The following EFS variants were observed in gnomAD, a reference collection of about 807,000 sequenced individuals.
EFS encodes embryonal Fyn-associated substrate.
A neutral mutation model predicts 42.2 loss-of-function variants in EFS; 34 were observed. The observed-to-expected ratio is 0.81, with a 90% CI of 0.61 to 1.07. The LOEUF (loss-of-function observed/expected upper bound fraction) is 1.07, where lower values mean the gene tolerates loss of function less well. EFS is among the 50% of genes least tolerant of loss of function. The pLI, the probability that EFS is intolerant of heterozygous loss-of-function variation, is 0.00. For missense variants in EFS, 717 were observed against 729.4 expected (o/e 0.98, Z 0.20); for synonymous variants, 299 against 320.7 (o/e 0.93, Z 0.72).
At chr14:23,363,770 T>G (rs1890230818) in intron 1 of EFS, among the ~76,000 whole-genome samples, 1 of 152,016 alleles carries the variant, frequency 6.6e-6, no homozygotes, top group South Asian at 2.1e-4. Context: ...AAACCCTGCC[T>G]CTACAAAAAA....
chr14:23,359,998 A>C lies in EFS; in HGVS notation c.480T>G (p.Ser160Arg). ...VPPTALRVPS[S>R]GPYDCPASFS... ...AGGAGGCAGGGCAGTCATAGGGGCC[A>C]CTGGAGGGCACCCGGAGGGCGGTGG... Residue 160 changes from serine (S) to arginine (R), a missense_variant, in exon 4 of 6, where the codon AGT becomes AGG. Coordinates refer to ENST00000216733, the MANE Select transcript of EFS (RefSeq NM_005864.4). The C allele has an allele frequency of 6.2e-7, 1 of 1,601,410 alleles. No individual in the cohort carries two copies. Among genetic ancestry groups the C allele is most frequent in the Admixed American group, 1.7e-5 (1 of 58,740 alleles).
In EFS at chr14:23,359,937, GGGGCTGCGGGGCAACCCGGGTCAGA is replaced by G; in HGVS notation, c.516_540del (p.Thr174GlufsTer11). The G allele has an allele frequency of 6.4e-7, 1 of 1,561,458 alleles. No individual in the cohort carries two copies. On this transcript the variant is annotated frameshift_variant, in exon 4 of 6. Coordinates refer to ENST00000216733, the MANE Select transcript of EFS (RefSeq NM_005864.4). LOFTEE classifies it high-confidence loss of function. ...TCATAGGGAGCATCATCCTCTCCAG[GGGGCTGCGGGGCAACCCGGGTCAGA>G]GGGTGGGAAAAGGAGGCAGGGCAGT...
At position 23,357,437 on chromosome 14, in the gene EFS, C is replaced by G; in HGVS notation, c.1475G>C (p.Gly492Ala). 6.2e-7 allele frequency: 1 copy of G among 1,613,528 alleles called. No individual in the cohort carries two copies. The highest frequency in any genetic ancestry group is 8.5e-7 in the Non-Finnish European group (1 of 1,179,838). ...HRLVFVGDTL[G>A]RLAASAPLRA... The stretch of plus-strand genomic sequence containing the variant: ...CAGAGGGGCAGAGGCTGCCAGCCGG[C>G]CCAGGGTGTCCCCAACAAACACCAG... The change falls in exon 6 of 6, where the codon GGC becomes GCC. Residue 492 changes from glycine to alanine, a missense_variant. Physicochemically the swap from Gly to Ala is moderately conservative, Grantham distance 60 (BLOSUM62 0). Coordinates refer to ENST00000216733, the MANE Select transcript of EFS (RefSeq NM_005864.4).
rs758962460 is a variant in EFS, at chr14:23,360,238, C to T, written c.341G>A (p.Gly114Glu). ...PPPARPCPTS[G>E]PPAGPCPPSP... ...GGGTGGGCAAGGTCCAGCTGGAGGT[C>T]CTGAGGTTGGACAGGGCCGAGCTGG... The change falls in exon 3 of 6, where the codon GGA becomes GAA. Residue 114 changes from glycine to glutamate, a missense_variant. Coordinates refer to ENST00000216733, the MANE Select transcript of EFS (RefSeq NM_005864.4). 2.5e-6 allele frequency: 4 copies of T among 1,613,920 alleles called. No homozygotes were observed. The East Asian group carries it at 8.9e-5, about 36-fold the overall frequency.
chr14:23,359,210 G>T (rs1890030036), intron 4 of EFS, 107 bp downstream of exon 4: 10 of 1,533,500 alleles, frequency 6.5e-6, no homozygotes, highest in Non-Finnish European at 6.3e-6. Context: ...GAGGGAAGGG[G>T]GACAGAAGGG....
Position 23,356,906 on chromosome 14 carries a change from G to C in EFS, c.*320C>G. 1 of 214,912 alleles carries C rather than the reference G, an allele frequency of 4.7e-6. No individual in the cohort carries two copies. The allele number at this position is 214,912 out of a possible 1,614,324, so 13.3% of individuals were successfully genotyped here. On this transcript the variant is annotated 3_prime_UTR_variant, in exon 6 of 6. Coordinates refer to ENST00000216733, the MANE Select transcript of EFS (RefSeq NM_005864.4). ...ACTTTTCACAGCCAGTCTTCCAGAG[G>C]TGGGTGGTAGTGCAGTGACCTCCAC...
chr14:23,359,606 G>T lies in EFS; in HGVS notation c.872C>A (p.Pro291Gln), dbSNP rs761281213. 4.0e-6 allele frequency: 6 copies of T among 1,501,000 alleles called. No individual in the cohort carries two copies. Among genetic ancestry groups the T allele is most frequent in the Non-Finnish European group, 5.3e-6 (6 of 1,128,062 alleles). The allele number at this position is 1,501,000 out of a possible 1,614,324, so 93.0% of individuals were successfully genotyped here. The part of the protein sequence containing the change: ...AQLLARSPPP[P>Q]HRPRLPSAES... ...AGCTGAGGGGAGCCGGGGCCTGTGT[G>T]GGGGTGGGGGGCTTCTGGCCAGAAG... Residue 291 changes from proline (P) to glutamine (Q), a missense_variant, in exon 4 of 6, where the codon CCA (proline) becomes CAA (glutamine). Physicochemically the swap from Pro to Gln is moderately conservative, Grantham distance 76. Transcript: ENST00000216733.
chr14:23,357,251 G>A lies in EFS; in HGVS notation c.1661C>T (p.Thr554Ile). The change falls in exon 6 of 6, where the codon ACC becomes ATC. Residue 554 changes from threonine (T) to isoleucine (I), a missense_variant. Transcript: ENST00000216733. ...TCATGGAGCCAGGCTAGTGAGCAGG[G>A]TAGTGAATTGCAGGGCCTGCCCTGC... ...ELAGQALQFT[T>I]LLTSLAP 1 of 1,570,288 alleles carries A rather than the reference G, an allele frequency of 6.4e-7. No homozygotes were observed. The highest frequency in any genetic ancestry group is 1.3e-5 in the African/African-American group (1 of 74,474).
chr14:23,361,730 T>C (rs1890161180), intron 1 of EFS, among the ~76,000 whole-genome samples: 1 of 152,184 alleles, frequency 6.6e-6, no homozygotes, highest in African/African-American at 2.4e-5. Context: ...GGCCACAGGC[T>C]CAGGTAATAA....
intron 2 of EFS, 68 bp downstream of exon 2, chr14:23,360,487 C>T: frequency 2.0e-6 from 3 of 1,512,874 alleles, no homozygotes; most frequent in South Asian, 2.7e-5. Context: ...GCTGCAGGCC[C>T]TGGGTGGGGC....
In EFS at chr14:23,360,919, G is replaced by A. The variant is rs183593168; in HGVS notation, c.19-86C>T. ...CCTGCTTAGAACCCTTCGGAGCTCCGCATTTCCCTCAAGCTAAAAAACCTG... is the reference window on the plus strand; with the variant it reads ...CCTGCTTAGAACCCTTCGGAGCTCCACATTTCCCTCAAGCTAAAAAACCTG... On this transcript the variant is annotated intron_variant, in intron 1 of 5. Coordinates refer to ENST00000216733, the MANE Select transcript of EFS (RefSeq NM_005864.4). 626 of 1,345,054 alleles carry A rather than the reference G, an allele frequency of 4.7e-4. 2 individuals carry two copies. The African/African-American group carries it at 8.7e-3, about 19-fold the overall frequency. The allele number at this position is 1,345,054 out of a possible 1,614,324, so 83.3% of individuals were successfully genotyped here.
chr14:23,358,812 TC>T, intron 5 of EFS, 63 bp downstream of exon 5: 3 of 1,442,722 alleles, frequency 2.1e-6, no homozygotes, highest in Non-Finnish European at 2.8e-6. Context: ...GCTCAGTTCT[TC>T]TCCCAAGTCC....
intron 1 of EFS, among the ~76,000 whole-genome samples, chr14:23,361,710 T>C (rs920932175): frequency 6.6e-6 from 1 of 152,208 alleles, no homozygotes; most frequent in Non-Finnish European, 1.5e-5. Flanking sequence ...TATAAGCTTT[T>C]TCCATCAAGG....
intron 1 of EFS, among the ~76,000 whole-genome samples, chr14:23,362,909 C>T (rs1283137799): frequency 7.0e-6 from 1 of 143,882 alleles, no homozygotes; most frequent in Non-Finnish European, 1.5e-5. Context: ...CTTTCTTTTT[C>T]TTTCTTTCTT....
At chr14:23,364,564 C>G (rs978782011) in intron 1 of EFS, among the ~76,000 whole-genome samples, 29 of 152,120 alleles carry the variant, frequency 1.9e-4, no homozygotes, top group African/African-American at 6.0e-4. Flanking sequence ...TCCCTCGTCT[C>G]GAGATGGGCC....
Position 23,357,333 on chromosome 14 carries a change from G to A in EFS, c.1579C>T (p.Leu527=), listed in dbSNP as rs760365082. The change falls in exon 6 of 6, where the codon CTG becomes TTG. Residue 527 remains leucine, a synonymous_variant. Transcript: ENST00000216733. The part of the protein sequence containing the change: ...ATVLAVKGAA[L]GYPSSPAIQE... ...ATGGCAGGGCTGGATGGGTAGCCCA[G>A]GGCAGCTCCCTTGACAGCCAGCACA... 1.3e-5 allele frequency: 21 copies of A among 1,611,890 alleles called. No homozygotes were observed. The South Asian group carries it at 2.3e-4, about 18-fold the overall frequency.
At chr14:23,361,431 A>T (rs1397396367) in intron 1 of EFS, among the ~76,000 whole-genome samples, 1 of 152,246 alleles carries the variant, frequency 6.6e-6, no homozygotes, top group Non-Finnish European at 1.5e-5. Context: ...CATAATAAGA[A>T]AGAAAACAGA....
chr14:23,357,550 C>T lies in EFS; in HGVS notation c.1362G>A (p.Val454=). ...QSHYSALQAA[V]AALMSSTQAN... Reference sequence around the variant, plus strand: ...CCTGGGTACTGGACATCAGGGCTGCCACGGCTGCCTGCAGGGCTGAGTAGT... The same window carrying T: ...CCTGGGTACTGGACATCAGGGCTGCTACGGCTGCCTGCAGGGCTGAGTAGT... Residue 454 remains valine (V), a synonymous_variant, in exon 6 of 6, where the codon GTG becomes GTA. Transcript: ENST00000216733. 1 of 1,612,332 alleles carries T rather than the reference C, an allele frequency of 6.2e-7. No individual in the cohort carries two copies. The highest frequency in any genetic ancestry group is 1.1e-5 in the South Asian group (1 of 90,886).
chr14:23,359,399 T>C lies in EFS; in HGVS notation c.1079A>G (p.Glu360Gly). Residue 360 changes from glutamate to glycine, a missense_variant, in exon 4 of 6, where the codon GAG (glutamate) becomes GGG (glycine). Glu to Gly is a moderately conservative substitution (Grantham distance 98, BLOSUM62 -2). Coordinates refer to ENST00000216733, the MANE Select transcript of EFS (RefSeq NM_005864.4). ...PKVEGDPEGR[E>G]MEDDPAGHHN... ...GTGTCCTGCTGGGTCATCCTCCATCTCCCTGCCCTCTGGATCCCCCTCGAC... is the reference window on the plus strand; with the variant it reads ...GTGTCCTGCTGGGTCATCCTCCATCCCCCTGCCCTCTGGATCCCCCTCGAC... The C allele has an allele frequency of 1.9e-6, 3 of 1,588,756 alleles. No homozygotes were observed. The highest frequency in any genetic ancestry group is 8.6e-7 in the Non-Finnish European group (1 of 1,168,400).
Sources: gnomAD v4.1 joint callset for allele counts (sites outside exome capture counted in the v4.1 genomes callset) on GRCh38, gnomAD v4.1.1 for gene constraint, MANE v1.5 for transcripts, NCBI Gene and HGNC (gene_info 2026-07-23, HGNC 2026-07-21) for gene names.